Variants in RCAN2 observed in about 807,000 individuals in gnomAD.
RCAN2 encodes regulator of calcineurin 2.
RCAN2 carries 9 observed loss-of-function variants against 23.6 expected under a neutral mutation model. The observed-to-expected ratio is 0.38, with a 90% CI of 0.23 to 0.67. The LOEUF is 0.67. Among genes scored for constraint, RCAN2 ranks in the 30% least tolerant of loss-of-function variants. RCAN2 has a pLI of 0.51. For missense variants in RCAN2, 273 were observed against 302.3 expected (o/e 0.90, Z 0.72); for synonymous variants, 109 against 115.7 (o/e 0.94, Z 0.37).
intron 2 of RCAN2, among the ~76,000 whole-genome samples, chr6:46,452,376 CTTGT>C (rs1404831114): frequency 2.0e-5 from 3 of 152,112 alleles, no homozygotes; most frequent in East Asian, 3.8e-4. Context: ...AACAAAAGTT[CTTGT>C]TTGTTTGTTT....
intron 2 of RCAN2, among the ~76,000 whole-genome samples, chr6:46,415,331 G>T (rs552670668): frequency 3.6e-4 from 55 of 152,232 alleles, no homozygotes; most frequent in African/African-American, 1.3e-3. Context: ...AATCAAACAT[G>T]TCTCTAAAAC....
At chr6:46,400,550 C>G (rs7753138) in intron 2 of RCAN2, among the ~76,000 whole-genome samples, 14 of 152,180 alleles carry the variant, frequency 9.2e-5, no homozygotes, top group African/African-American at 3.1e-4. Flanking sequence ...ACCAGACATG[C>G]CAAACTCGAA....
chr6:46,434,523 G>A (rs1419598710), intron 2 of RCAN2, among the ~76,000 whole-genome samples: 1 of 152,190 alleles, frequency 6.6e-6, no homozygotes, highest in Non-Finnish European at 1.5e-5. Flanking sequence ...CTCATAAAGA[G>A]AGGACTTGAA....
At chr6:46,333,905 T>A (rs1313766197) in intron 2 of RCAN2, among the ~76,000 whole-genome samples, 2 of 152,220 alleles carry the variant, frequency 1.3e-5, no homozygotes, top group South Asian at 4.1e-4. Flanking sequence ...CTAGTTTATA[T>A]TTCTCTTATT....
At chr6:46,286,657 C>T (rs1762384479) in intron 2 of RCAN2, among the ~76,000 whole-genome samples, 1 of 152,108 alleles carries the variant, frequency 6.6e-6, no homozygotes, top group Admixed American at 6.5e-5. Flanking sequence ...AGAGAATATT[C>T]CAACAGTTTC....
intron 4 of RCAN2, among the ~76,000 whole-genome samples, chr6:46,237,951 G>A (rs1766162829): frequency 6.6e-6 from 1 of 152,170 alleles, no homozygotes; most frequent in Non-Finnish European, 1.5e-5. Context: ...TGACTTGCCA[G>A]CCCCCAGTTG....
In RCAN2 at chr6:46,464,722, C is replaced by G. The variant is rs1436744646; in HGVS notation, c.-2-7744G>C. On this transcript the variant is annotated intron_variant, in intron 1 of 4. Coordinates refer to ENST00000371374, the MANE Select transcript of RCAN2 (RefSeq NM_001251974.2). The stretch of plus-strand genomic sequence containing the variant: ...TGCTATTCTTGATATCATTTGGGAT[C>G]AGTCTTGAAAGTATCAGGAACATGC... Among the ~76,000 whole-genome samples the G allele has an allele frequency of 2.0e-5, 3 of 152,176 alleles. No individual in the cohort carries two copies. The East Asian group carries it at 5.8e-4, about 29-fold the overall frequency.
intron 2 of RCAN2, among the ~76,000 whole-genome samples, chr6:46,253,903 C>T (rs1030471617): frequency 6.6e-6 from 1 of 152,150 alleles, no homozygotes; most frequent in African/African-American, 2.4e-5. Flanking sequence ...GGTTTGTAGC[C>T]TAGGAACAAT....
intron 2 of RCAN2, among the ~76,000 whole-genome samples, chr6:46,370,426 TC>T (rs1561878282): frequency 6.6e-6 from 1 of 152,126 alleles, no homozygotes; most frequent in East Asian, 1.9e-4. Flanking sequence ...TGCACCTCCC[TC>T]CCTGACCCCA....
chr6:46,339,880 T>C (rs1764250262), intron 2 of RCAN2, among the ~76,000 whole-genome samples: 1 of 152,156 alleles, frequency 6.6e-6, no homozygotes, highest in Non-Finnish European at 1.5e-5. Flanking sequence ...TGGGAATTTA[T>C]TAGGCTACCT....
At chr6:46,475,600 C>A (rs1462202216) in intron 1 of RCAN2, among the ~76,000 whole-genome samples, 1 of 152,116 alleles carries the variant, frequency 6.6e-6, no homozygotes, top group Non-Finnish European at 1.5e-5. Context: ...GAAATTATTT[C>A]TCTATAGTCA....
chr6:46,390,195 T>G (rs1040032789), intron 2 of RCAN2, among the ~76,000 whole-genome samples: 1 of 152,156 alleles, frequency 6.6e-6, no homozygotes, highest in African/African-American at 2.4e-5. Context: ...GCATTATTTT[T>G]CATGAAGCAG....
chr6:46,228,803 C>T (rs1765771740), intron 4 of RCAN2, among the ~76,000 whole-genome samples: 1 of 152,116 alleles, frequency 6.6e-6, no homozygotes, highest in Non-Finnish European at 1.5e-5. Context: ...TGAATTTGAT[C>T]CTGTCATTAT....
intron 4 of RCAN2, among the ~76,000 whole-genome samples, chr6:46,242,544 T>A (rs887122543): frequency 1.3e-5 from 2 of 152,222 alleles, no homozygotes; most frequent in African/African-American, 4.8e-5. Context: ...CTGTTCATCA[T>A]TCCTCTAATG....
intron 2 of RCAN2, among the ~76,000 whole-genome samples, chr6:46,327,052 T>C (rs1021781359): frequency 6.6e-6 from 1 of 152,148 alleles, no homozygotes; most frequent in African/African-American, 2.4e-5. Context: ...CCAACTAATA[T>C]CAAGTAATGA....
At chr6:46,333,841 T>G (rs1764060787) in intron 2 of RCAN2, among the ~76,000 whole-genome samples, 1 of 152,248 alleles carries the variant, frequency 6.6e-6, no homozygotes, top group Non-Finnish European at 1.5e-5. Context: ...ATTCTGTTAC[T>G]GACACTAGCA....
At chr6:46,263,629 G>C (rs1032991036) in intron 2 of RCAN2, among the ~76,000 whole-genome samples, 1 of 150,810 alleles carries the variant, frequency 6.6e-6, no homozygotes. Flanking sequence ...GATAGAATTT[G>C]TGTATGTGGA....
chr6:46,485,745 A>G (rs896744288), intron 1 of RCAN2, among the ~76,000 whole-genome samples: 2 of 152,096 alleles, frequency 1.3e-5, no homozygotes, highest in Non-Finnish European at 2.9e-5. Context: ...TGTTTATACT[A>G]AAACACCCCT....
chr6:46,251,418 A>G (rs1766712414), intron 2 of RCAN2, among the ~76,000 whole-genome samples: 1 of 152,192 alleles, frequency 6.6e-6, no homozygotes, highest in Non-Finnish European at 1.5e-5. Flanking sequence ...TAAGAGATTA[A>G]AAACTCTTGT....
Sources: gnomAD v4.1 joint callset for allele counts (sites outside exome capture counted in the v4.1 genomes callset) on GRCh38, gnomAD v4.1.1 for gene constraint, MANE v1.5 for transcripts, NCBI Gene and HGNC (gene_info 2026-07-23, HGNC 2026-07-21) for gene names.